The following SLC2A13 variants were observed in gnomAD, a reference collection of about 807,000 sequenced individuals.
The protein encoded by SLC2A13 is solute carrier family 2 member 13, also known as proton myo-inositol cotransporter.
A neutral mutation model predicts 64.4 loss-of-function variants in SLC2A13; 32 were observed. That is an observed-to-expected ratio of 0.50 (90% CI 0.37 to 0.67). SLC2A13 has a LOEUF of 0.67. SLC2A13 is among the 30% of genes least tolerant of loss of function. The pLI is 0.00. For missense variants in SLC2A13, 743 were observed against 829.2 expected (o/e 0.90, Z 1.28); for synonymous variants, 338 against 327.1 (o/e 1.03, Z -0.36).
At chr12:39,777,707 G>A (rs1233680891) in intron 7 of SLC2A13, among the ~76,000 whole-genome samples, 1 of 152,204 alleles carries the variant, frequency 6.6e-6, no homozygotes, top group Non-Finnish European at 1.5e-5. Flanking sequence ...GCTGGCCGTC[G>A]AGAGGAACGC....
intron 3 of SLC2A13, among the ~76,000 whole-genome samples, chr12:40,009,431 T>C (rs1163209770): frequency 6.6e-6 from 1 of 152,124 alleles, no homozygotes; most frequent in Non-Finnish European, 1.5e-5. Flanking sequence ...TTTTTGTTTG[T>C]TTGTTTTTGT....
At chr12:39,866,647 T>A (rs1403342371) in intron 5 of SLC2A13, among the ~76,000 whole-genome samples, 1 of 152,032 alleles carries the variant, frequency 6.6e-6, no homozygotes, top group Non-Finnish European at 1.5e-5. Flanking sequence ...GCCCGGCTAA[T>A]TTTTTGTATT....
intron 4 of SLC2A13, among the ~76,000 whole-genome samples, chr12:39,883,468 G>A (rs2135962994): frequency 6.6e-6 from 1 of 152,260 alleles, no homozygotes; most frequent in Middle Eastern, 3.4e-3. Flanking sequence ...TGTCTCCAAA[G>A]TTCCAAGTTG....
At chr12:39,770,103 C>T (rs1940508397) in intron 7 of SLC2A13, among the ~76,000 whole-genome samples, 1 of 151,960 alleles carries the variant, frequency 6.6e-6, no homozygotes, top group Non-Finnish European at 1.5e-5. Context: ...TTTAAATTGC[C>T]TCTTCCTCTT....
At chr12:39,992,941 G>A (rs1947163233) in intron 3 of SLC2A13, among the ~76,000 whole-genome samples, 1 of 152,082 alleles carries the variant, frequency 6.6e-6, no homozygotes, top group African/African-American at 2.4e-5. Flanking sequence ...CTATCACTTA[G>A]CTCACAAAGC....
chr12:39,868,009 C>T (rs929138417), intron 5 of SLC2A13, among the ~76,000 whole-genome samples: 1 of 152,152 alleles, frequency 6.6e-6, no homozygotes, highest in African/African-American at 2.4e-5. Context: ...CTCATATACA[C>T]TATTAAAGCA....
chr12:39,923,694 GCGCACA>G (rs1444096786), intron 4 of SLC2A13, among the ~76,000 whole-genome samples: 27 of 137,328 alleles, frequency 2.0e-4, no homozygotes, highest in South Asian at 1.5e-3. Context: ...ATATGCGCAC[GCGCACA>G]CACACACACA....
chr12:39,963,545 T>G (rs1193826671), intron 3 of SLC2A13, among the ~76,000 whole-genome samples: 1 of 152,126 alleles, frequency 6.6e-6, no homozygotes, highest in Non-Finnish European at 1.5e-5. Context: ...TTCTATCAAG[T>G]TCAATCAAGA....
intron 5 of SLC2A13, among the ~76,000 whole-genome samples, chr12:39,869,283 G>A (rs1943983404): frequency 6.6e-6 from 1 of 152,110 alleles, no homozygotes; most frequent in Non-Finnish European, 1.5e-5. Flanking sequence ...TATTCTGAAG[G>A]TGTAAAGGTC....
intron 3 of SLC2A13, among the ~76,000 whole-genome samples, chr12:40,024,695 C>T (rs936451447): frequency 2.0e-5 from 3 of 152,126 alleles, no homozygotes; most frequent in Non-Finnish European, 4.4e-5. Flanking sequence ...GTCTTATTTA[C>T]TGCCACATCC....
At chr12:39,825,620 T>C (rs1325431982) in intron 7 of SLC2A13, among the ~76,000 whole-genome samples, 3 of 152,186 alleles carry the variant, frequency 2.0e-5, no homozygotes, top group Non-Finnish European at 4.4e-5. Context: ...AGAACACGGT[T>C]CATAGTATTC....
In SLC2A13 at chr12:40,105,361, C is replaced by T. The variant is rs1382862530; in HGVS notation, c.448G>A (p.Ala150Thr). 6.3e-7 allele frequency: 1 copy of T among 1,582,894 alleles called. No homozygotes were observed. The highest frequency in any genetic ancestry group is 8.6e-7 in the Non-Finnish European group (1 of 1,165,554). ...AAGAGGGCACTGGCCAGGAGGATGG[C>T]AGCGCGGCGGCCGAAGACGCCGTTG... ...ALNGVFGRRA[A>T]ILLASALFTA... is the part of the protein sequence containing the mutation. Residue 150 changes from alanine to threonine, a missense_variant, in exon 1 of 10, where the codon GCC becomes ACC. Physicochemically the swap from Ala to Thr is moderately conservative, Grantham distance 58. This residue lies in a region of SLC2A13 where 448 missense variants were observed against 447.4 expected (regional missense o/e 1.00). Transcript: ENST00000280871. The surrounding 1 kb of genome is among the most constrained non-coding windows in gnomAD (Gnocchi z 4.2).
chr12:40,068,527 T>C (rs28365689), intron 1 of SLC2A13: 8,224 of 247,216 alleles, frequency 0.033, 475 homozygotes, highest in Admixed American at 0.16. Flanking sequence ...CCACTTTTCA[T>C]AACAAGTTGG....
intron 4 of SLC2A13, among the ~76,000 whole-genome samples, chr12:39,902,399 G>A (rs1945150728): frequency 6.6e-6 from 1 of 151,670 alleles, no homozygotes; most frequent in Non-Finnish European, 1.5e-5. Context: ...TACACATGAA[G>A]AGAACTATTT....
At position 40,015,163 on chromosome 12, in the gene SLC2A13, T is replaced by A. The variant is rs1318152351; in HGVS notation, c.925+13138A>T. Among the ~76,000 whole-genome samples, 4 of 151,996 alleles carry A rather than the reference T, an allele frequency of 2.6e-5. No homozygotes were observed. The South Asian group carries it at 8.3e-4, about 32-fold the overall frequency. On this transcript the variant is annotated intron_variant, in intron 3 of 9. Coordinates refer to ENST00000280871, the MANE Select transcript of SLC2A13 (RefSeq NM_052885.4). Reference sequence around the variant, plus strand: ...GAACAATAACCTTCACTGGCCCATTTAAGAAGAAAAAAAAAAAATTCCAAG... The same window carrying A: ...GAACAATAACCTTCACTGGCCCATTAAAGAAGAAAAAAAAAAAATTCCAAG...
chr12:40,052,078 G>C (rs139379729), intron 1 of SLC2A13, among the ~76,000 whole-genome samples: 1 of 152,230 alleles, frequency 6.6e-6, no homozygotes, highest in East Asian at 1.9e-4. Flanking sequence ...ATGATGTTTT[G>C]ATGTCAGGAA....
At chr12:39,899,147 C>T (rs1342798987) in intron 4 of SLC2A13, among the ~76,000 whole-genome samples, 2 of 152,080 alleles carry the variant, frequency 1.3e-5, no homozygotes, top group Admixed American at 1.3e-4. Flanking sequence ...TGATTATTGC[C>T]ACAATTTCAG....
intron 2 of SLC2A13, among the ~76,000 whole-genome samples, chr12:40,041,332 C>T (rs1948086318): frequency 6.6e-6 from 1 of 152,178 alleles, no homozygotes; most frequent in African/African-American, 2.4e-5. Flanking sequence ...TCTAACTTCT[C>T]ACTCTTGTCC....
At chr12:39,954,228 G>A (rs1240805645) in intron 3 of SLC2A13, among the ~76,000 whole-genome samples, 1 of 152,188 alleles carries the variant, frequency 6.6e-6, no homozygotes, top group African/African-American at 2.4e-5. Flanking sequence ...CCAGGCTGCA[G>A]CACAGGGCAG....
Sources: allele counts gnomAD v4.1 joint callset (sites outside exome capture counted in the v4.1 genomes callset), GRCh38; gene constraint gnomAD v4.1.1; regional missense constraint gnomAD v4.1.1; non-coding constraint Gnocchi (gnomAD v3.1); transcripts MANE v1.5; gene names NCBI Gene and HGNC (gene_info 2026-07-23, HGNC 2026-07-21).